The following CDYL variants were observed in gnomAD, a reference collection of about 807,000 sequenced individuals.
CDYL encodes chromodomain Y-like protein.
CDYL carries 8 observed loss-of-function variants against 47.3 expected under a neutral mutation model. That is an observed-to-expected ratio of 0.17 (90% CI 0.10 to 0.31). The LOEUF (loss-of-function observed/expected upper bound fraction) is 0.31. Ranked by LOEUF, CDYL falls within the 10% of genes least tolerant of loss-of-function variation. The pLI is 1.00. For missense variants in CDYL, 471 were observed against 701.4 expected (o/e 0.67, Z 3.71); for synonymous variants, 266 against 265.0 (o/e 1.00, Z -0.04).
At chr6:4,804,326 G>A (rs1156351588) in intron 1 of CDYL, among the ~76,000 whole-genome samples, 1 of 152,200 alleles carries the variant, frequency 6.6e-6, no homozygotes, top group Non-Finnish European at 1.5e-5. Flanking sequence ...AGTGCGGGGC[G>A]CTGCCTAAGA....
Position 4,954,311 on chromosome 6 carries a change from A to G in CDYL, c.*255A>G, listed in dbSNP as rs956221308. The G allele has an allele frequency of 1.5e-5, 5 of 326,930 alleles. No homozygotes were observed. Among genetic ancestry groups the G allele is most frequent in the Non-Finnish European group, 2.8e-5 (5 of 179,044 alleles). 20.3% of individuals were successfully genotyped at this position (326,930 alleles called of 1,614,324 possible). On this transcript the variant is annotated 3_prime_UTR_variant, in exon 7 of 7. Coordinates refer to ENST00000397588, the MANE Select transcript of CDYL (RefSeq NM_004824.4). Reference sequence around the variant, plus strand: ...TATATACACGCAGGTGTAAAAGTATAAAGGTGAGCACTAGACTGCTCTTAG... The same window carrying G: ...TATATACACGCAGGTGTAAAAGTATGAAGGTGAGCACTAGACTGCTCTTAG...
upstream of CDYL, among the ~76,000 whole-genome samples, chr6:4,774,289 T>C (rs1301654921): frequency 1.3e-5 from 2 of 152,244 alleles, no homozygotes; most frequent in South Asian, 2.1e-4. Flanking sequence ...CTGCCAGTAT[T>C]TGAGCGCTTG....
intron 2 of CDYL, among the ~76,000 whole-genome samples, chr6:4,722,214 C>G (rs1757383956): frequency 1.3e-5 from 2 of 151,946 alleles, no homozygotes; most frequent in Non-Finnish European, 2.9e-5. Context: ...ACCTTTAATC[C>G]CAGTACTTTG....
chr6:4,775,936 G>C (rs1456905649), upstream of CDYL, among the ~76,000 whole-genome samples: 1 of 149,884 alleles, frequency 6.7e-6, no homozygotes, highest in Admixed American at 6.6e-5. The surrounding 1 kb of genome is among the most constrained non-coding windows in gnomAD (Gnocchi z 7.0). Flanking sequence ...GTGGGCTCCA[G>C]ACGCGGGCCG....
At chr6:4,909,295 T>A (rs1757333806) in intron 2 of CDYL, among the ~76,000 whole-genome samples, 1 of 152,234 alleles carries the variant, frequency 6.6e-6, no homozygotes, top group East Asian at 1.9e-4. Context: ...GAAGGGCTGC[T>A]GTGTCCAGGC....
intron 1 of CDYL, among the ~76,000 whole-genome samples, chr6:4,882,027 G>T (rs571001569): frequency 6.6e-6 from 1 of 152,140 alleles, no homozygotes; most frequent in Non-Finnish European, 1.5e-5. Flanking sequence ...TTAAGCTCAG[G>T]GTTCTGCTCC....
intron 1 of CDYL, among the ~76,000 whole-genome samples, chr6:4,831,708 T>C (rs1760149841): frequency 6.6e-6 from 1 of 152,206 alleles, no homozygotes; most frequent in South Asian, 2.1e-4. Context: ...TTCCTACCCA[T>C]GAGCATGGAA....
chr6:4,854,951 G>A (rs932796086), intron 1 of CDYL, among the ~76,000 whole-genome samples: 48 of 152,166 alleles, frequency 3.2e-4, no homozygotes, highest in African/African-American at 8.4e-4. Flanking sequence ...GGCTAAGGTC[G>A]GAGTTCAACC....
At chr6:4,805,051 C>A (rs1416795875) in intron 1 of CDYL, among the ~76,000 whole-genome samples, 2 of 152,094 alleles carry the variant, frequency 1.3e-5, no homozygotes, top group African/African-American at 2.4e-5. Flanking sequence ...ACCAAAAAAA[C>A]CCCAAAAAAC....
At chr6:4,861,879 G>T (rs2875970) in intron 1 of CDYL, among the ~76,000 whole-genome samples, 5,150 of 152,212 alleles carry the variant, frequency 0.034, 301 homozygotes, top group African/African-American at 0.12. Context: ...GATGCGCATG[G>T]ATCTGGTTAA....
intron 2 of CDYL, among the ~76,000 whole-genome samples, chr6:4,893,044 TGGGTG>T (rs990345544): frequency 6.6e-6 from 1 of 152,170 alleles, no homozygotes; most frequent in Non-Finnish European, 1.5e-5. Context: ...GGAGTTCACA[TGGGTG>T]GCTTCCTTCT....
At position 4,734,652 on chromosome 6, in the gene CDYL, A is replaced by C. The variant is rs566991344; in HGVS notation, c.104-110A>C. ...GTTCAGTTAGACTCCTAATTCAGGA[A>C]GGGGAGGGCACAGGGATGGGAAGTT... On this transcript the variant is annotated intron_variant, in intron 2 of 8. Transcript: ENST00000328908. The C allele has an allele frequency of 4.9e-5, 71 of 1,436,234 alleles. No homozygotes were observed. The East Asian group carries it at 1.3e-3, about 26-fold the overall frequency. The allele number at this position is 1,436,234 out of a possible 1,614,324, so 89.0% of individuals were successfully genotyped here.
chr6:4,795,706 CTCT>C (rs1019420726), intron 1 of CDYL, among the ~76,000 whole-genome samples: 1 of 149,242 alleles, frequency 6.7e-6, no homozygotes, highest in African/African-American at 2.5e-5. Flanking sequence ...TATTTCTTTT[CTCT>C]TTTTTTTTTT....
At chr6:4,834,184 T>G (rs1760226139) in intron 1 of CDYL, among the ~76,000 whole-genome samples, 2 of 152,230 alleles carry the variant, frequency 1.3e-5, no homozygotes, top group Admixed American at 6.5e-5. Context: ...GTCTTTACAT[T>G]TTGGCATGAT....
At chr6:4,932,804 C>T (rs973580660) in intron 2 of CDYL, among the ~76,000 whole-genome samples, 7 of 152,194 alleles carry the variant, frequency 4.6e-5, no homozygotes, top group Non-Finnish European at 8.8e-5. Context: ...GAAATCATTG[C>T]TGTCGGCTGT....
At chr6:4,810,993 C>T (rs1759511157) in intron 1 of CDYL, among the ~76,000 whole-genome samples, 1 of 152,164 alleles carries the variant, frequency 6.6e-6, no homozygotes, top group Non-Finnish European at 1.5e-5. Flanking sequence ...GCAATTCCTT[C>T]AGTAAATAGA....
At chr6:4,909,298 G>A (rs1561702949) in intron 2 of CDYL, among the ~76,000 whole-genome samples, 2 of 152,280 alleles carry the variant, frequency 1.3e-5, no homozygotes, top group East Asian at 3.9e-4. Context: ...GGGCTGCTGT[G>A]TCCAGGCTTT....
chr6:4,899,909 T>C (rs1289655608), intron 2 of CDYL, among the ~76,000 whole-genome samples: 1 of 152,142 alleles, frequency 6.6e-6, no homozygotes, highest in Non-Finnish European at 1.5e-5. Flanking sequence ...TCAAGGAGTG[T>C]TTTCCTTCTT....
chr6:4,950,854 C>T (rs1758679433), intron 5 of CDYL, among the ~76,000 whole-genome samples: 1 of 151,742 alleles, frequency 6.6e-6, no homozygotes. Context: ...ATGGTGTGAG[C>T]CTGGGAGGCG....
Sources: gnomAD v4.1 joint callset for allele counts (sites outside exome capture counted in the v4.1 genomes callset) on GRCh38, gnomAD v4.1.1 for gene constraint, Gnocchi (gnomAD v3.1) non-coding constraint, MANE v1.5 for transcripts, NCBI Gene and HGNC (gene_info 2026-07-23, HGNC 2026-07-21) for gene names.